INSL6: variants seen among roughly 807,000 people sequenced by gnomAD.
The protein encoded by INSL6 is insulin-like peptide INSL6.
INSL6 carries 16 observed loss-of-function variants against 9.4 expected under a neutral mutation model. The observed-to-expected ratio is 1.70, with a 90% confidence interval of 1.15 to 2.59. The LOEUF is 2.59. Among genes scored for constraint, INSL6 ranks in the 30% most tolerant of loss-of-function variants. The pLI is 0.00. For synonymous variants in INSL6, 154 were observed against 96.9 expected, an observed-to-expected ratio of 1.59 and a Z score of -3.46; for missense variants, 391 against 257.3, an observed-to-expected ratio of 1.52 and a Z score of -3.56.
intron 1 of INSL6, among the ~76,000 whole-genome samples, chr9:5,166,612 C>T (rs1440093904): frequency 6.6e-6 from 1 of 152,036 alleles, no homozygotes; most frequent in Admixed American, 6.5e-5. Flanking sequence ...TTAACTGGTA[C>T]ACAATGACAC....
chr9:4,998,339 T>C, the INSL6 span, among the ~76,000 whole-genome samples: 1 of 151,956 alleles, frequency 6.6e-6, no homozygotes, highest in Admixed American at 6.6e-5. Flanking sequence ...TCACTGCAAC[T>C]TCTGCCTCCC....
chr9:5,055,683 T>C, the INSL6 span: 3 of 1,576,332 alleles, frequency 1.9e-6, no homozygotes, highest in Admixed American at 1.7e-5. Flanking sequence ...TACAGTTATA[T>C]TGCGATTTTC....
At chr9:5,061,218 T>C in the INSL6 span, among the ~76,000 whole-genome samples, 1 of 152,212 alleles carries the variant, frequency 6.6e-6, no homozygotes, top group Admixed American at 6.5e-5. Flanking sequence ...CTGGTTTGAA[T>C]TTCAAGTCAC....
the INSL6 span, chr9:5,041,766 C>A: frequency 4.1e-6 from 2 of 489,084 alleles, no homozygotes; most frequent in Admixed American, 4.6e-5. Context: ...CCACACCGAC[C>A]TGCCCTCCCA....
chr9:5,039,490 A>G, the INSL6 span, among the ~76,000 whole-genome samples: 2 of 152,172 alleles, frequency 1.3e-5, no homozygotes, highest in East Asian at 1.9e-4. Context: ...GAGTATTTGC[A>G]GATTTTGGTA....
chr9:5,078,484 T>C, the INSL6 span: 1 of 1,537,232 alleles, frequency 6.5e-7, no homozygotes, highest in Non-Finnish European at 8.9e-7. Flanking sequence ...TACTAAGCTT[T>C]ACTTGGGCAG....
chr9:5,055,551 G>C, the INSL6 span: 57 of 749,900 alleles, frequency 7.6e-5, no homozygotes, highest in African/African-American at 9.7e-4. Context: ...CTTATCTATT[G>C]TTATCAATAC....
chr9:5,052,138 A>T, the INSL6 span, among the ~76,000 whole-genome samples: 1 of 152,106 alleles, frequency 6.6e-6, no homozygotes, highest in East Asian at 1.9e-4. Flanking sequence ...ATTGAAGATG[A>T]ATGTTATAAA....
intron 2 of INSL6, among the ~76,000 whole-genome samples, chr9:5,147,938 T>G (rs556414728): frequency 3.9e-5 from 6 of 152,312 alleles, no homozygotes; most frequent in African/African-American, 1.4e-4. Context: ...TTTCAGCTCT[T>G]AAATTGTTTT....
the INSL6 span, among the ~76,000 whole-genome samples, chr9:5,012,688 C>T: frequency 6.6e-6 from 1 of 152,214 alleles, no homozygotes; most frequent in South Asian, 2.1e-4. Context: ...TTTCTACCTG[C>T]TAAGAATAGA....
chr9:5,073,104 T>TA, the INSL6 span, among the ~76,000 whole-genome samples: 1 of 152,220 alleles, frequency 6.6e-6, no homozygotes. Context: ...ATATGATACT[T>TA]ACAATATCTT....
At chr9:5,159,897 T>G (rs1036480027), downstream of INSL6, among the ~76,000 whole-genome samples, 1 of 152,126 alleles carries the variant, frequency 6.6e-6, no homozygotes, top group African/African-American at 2.4e-5. Flanking sequence ...TGTGGCCAGG[T>G]GTGGTGGCTC....
chr9:5,058,300 G>A, the INSL6 span, among the ~76,000 whole-genome samples: 4 of 152,156 alleles, frequency 2.6e-5, no homozygotes, highest in African/African-American at 7.2e-5. Flanking sequence ...GTTCGGCATG[G>A]CTGGCCCAGG....
chr9:5,113,999 G>A, the INSL6 span: 1 of 275,918 alleles, frequency 3.6e-6, no homozygotes, highest in African/African-American at 2.2e-5. Flanking sequence ...AGGATGGGCA[G>A]GTCGTGGATG....
intron 1 of INSL6, among the ~76,000 whole-genome samples, chr9:5,183,715 GA>G (rs1291881841): frequency 6.6e-6 from 1 of 151,946 alleles, no homozygotes; most frequent in East Asian, 1.9e-4. Flanking sequence ...ACATAAAGCA[GA>G]AAGGGAAGGC....
the INSL6 span, among the ~76,000 whole-genome samples, chr9:5,060,574 A>G: frequency 6.6e-6 from 1 of 152,166 alleles, no homozygotes; most frequent in African/African-American, 2.4e-5. Flanking sequence ...TTTTATCATG[A>G]GATTGTAGCA....
chr9:5,138,207 T>G (rs1824423518), intron 2 of INSL6, among the ~76,000 whole-genome samples: 1 of 152,188 alleles, frequency 6.6e-6, no homozygotes, highest in African/African-American at 2.4e-5. Context: ...AGAAATACCA[T>G]TTGACCCTGC....
chr9:5,126,321 G>A (rs1823992887), intron 3 of INSL6: 3 of 1,545,046 alleles, frequency 1.9e-6, no homozygotes, highest in African/African-American at 2.8e-5. Flanking sequence ...ATTGAAAGTG[G>A]GTTTGTTTTA....
chr9:5,152,810 C>G (rs1186785894), intron 2 of INSL6, among the ~76,000 whole-genome samples: 4 of 152,208 alleles, frequency 2.6e-5, no homozygotes, highest in Non-Finnish European at 5.9e-5. Flanking sequence ...AAGATCGACG[C>G]AGAAGGCAGG....
Sources: allele counts gnomAD v4.1 joint callset (sites outside exome capture counted in the v4.1 genomes callset), GRCh38; gene constraint gnomAD v4.1.1; transcripts MANE v1.5; gene names NCBI Gene and HGNC (gene_info 2026-07-23, HGNC 2026-07-21).